Variants in ASTN1 observed in about 807,000 individuals in gnomAD.
The protein encoded by ASTN1 is astrotactin 1.
ASTN1 carries 41 observed loss-of-function variants against 140.7 expected under a neutral mutation model. The ratio of observed to expected loss-of-function variants is 0.29; its 90% confidence interval spans 0.23 to 0.38. ASTN1 has a LOEUF of 0.38. Among genes scored for constraint, ASTN1 ranks in the 10% least tolerant of loss-of-function variants. The pLI, the probability that ASTN1 is intolerant of heterozygous loss-of-function variation, is 1.00. For synonymous variants in ASTN1, 640 were observed against 652.2 expected, an observed-to-expected ratio of 0.98 and a Z score of 0.29; for missense variants, 1,479 against 1,678.8, an observed-to-expected ratio of 0.88 and a Z score of 2.08.
At chr1:177,049,454 G>C (rs927827968) in intron 2 of ASTN1, among the ~76,000 whole-genome samples, 3 of 152,178 alleles carry the variant, frequency 2.0e-5, no homozygotes, top group African/African-American at 7.2e-5. Context: ...AATACTAACA[G>C]AGGTTGCATA....
chr1:176,944,125 T>C, intron 13 of ASTN1, 107 bp from the exon 14 acceptor site: 1 of 1,413,250 alleles, frequency 7.1e-7, no homozygotes, highest in South Asian at 1.2e-5. Flanking sequence ...TTGCCCAGGC[T>C]GGAGTGCAAT....
intron 16 of ASTN1, among the ~76,000 whole-genome samples, chr1:176,925,405 G>A (rs1206851391): frequency 6.6e-6 from 1 of 152,174 alleles, no homozygotes; most frequent in Non-Finnish European, 1.5e-5. Context: ...GAGCTTGTCA[G>A]AAACGCAGAA....
At chr1:177,122,108 T>C (rs1411504724) in intron 1 of ASTN1, among the ~76,000 whole-genome samples, 2 of 152,174 alleles carry the variant, frequency 1.3e-5, no homozygotes, top group Non-Finnish European at 2.9e-5. Flanking sequence ...GGGACCCTAC[T>C]GTTACCTGCC....
At chr1:176,997,436 A>C (rs138504279) in intron 8 of ASTN1, among the ~76,000 whole-genome samples, 243 of 152,180 alleles carry the variant, frequency 1.6e-3, no homozygotes, top group Non-Finnish European at 2.5e-3. Context: ...AAAATGGATA[A>C]GACCCTAGAG....
At chr1:176,951,636 T>C (rs1397395279) in intron 11 of ASTN1, among the ~76,000 whole-genome samples, 1 of 152,192 alleles carries the variant, frequency 6.6e-6, no homozygotes, top group African/African-American at 2.4e-5. Flanking sequence ...ACAAAGACTT[T>C]GTTGAATGAA....
rs140493874 is a variant in ASTN1, at chr1:177,000,297, T to C, written c.1523+14494A>G. ...TAGCTTAGAATTCACTAATAGAAAA[T>C]ACAGGGGAAGAAACAGGCATGCCAT... On this transcript the variant is annotated intron_variant, in intron 8 of 22. Coordinates refer to ENST00000361833, the MANE Select transcript of ASTN1 (RefSeq NM_004319.3). Among the ~76,000 whole-genome samples, 385 of 152,106 alleles carry C rather than the reference T, an allele frequency of 2.5e-3. 2 individuals are homozygous for C. Among genetic ancestry groups the C allele is most frequent in the African/African-American group, 8.7e-3 (360 of 41,490 alleles).
At chr1:176,885,192 C>T (rs1668983420) in intron 18 of ASTN1, among the ~76,000 whole-genome samples, 2 of 152,186 alleles carry the variant, frequency 1.3e-5, no homozygotes, top group African/African-American at 2.4e-5. Flanking sequence ...TCTGTCTTTG[C>T]TCTTGGGTTT....
intron 8 of ASTN1, 78 bp downstream of exon 8, chr1:177,014,713 A>G (rs1410860884): frequency 3.7e-6 from 5 of 1,348,180 alleles, no homozygotes; most frequent in Non-Finnish European, 5.3e-6. Flanking sequence ...ATTCCTCTCC[A>G]TGCAGTTGCT....
At chr1:176,963,998 TC>T (rs1039901948) in intron 9 of ASTN1, among the ~76,000 whole-genome samples, 2 of 152,190 alleles carry the variant, frequency 1.3e-5, no homozygotes, top group African/African-American at 2.4e-5. Flanking sequence ...AGGAAGTGGT[TC>T]TGTGAATCTG....
At chr1:177,017,955 C>T (rs566656371) in intron 7 of ASTN1, among the ~76,000 whole-genome samples, 6 of 152,282 alleles carry the variant, frequency 3.9e-5, no homozygotes, top group Non-Finnish European at 8.8e-5. Flanking sequence ...TGGCTGGGCT[C>T]ACCATAAGTT....
chr1:176,915,771 G>A (rs543299807), intron 16 of ASTN1, among the ~76,000 whole-genome samples: 3 of 152,266 alleles, frequency 2.0e-5, no homozygotes, highest in South Asian at 2.1e-4. Context: ...GGGAGGGCAC[G>A]ATAAGGTCCC....
intron 1 of ASTN1, among the ~76,000 whole-genome samples, chr1:177,155,088 T>C (rs1422828748): frequency 6.6e-6 from 1 of 152,148 alleles, no homozygotes; most frequent in East Asian, 1.9e-4. Context: ...ATGCATGATA[T>C]TAAGGAAAAG....
chr1:176,974,706 T>A (rs1264242322), intron 8 of ASTN1, among the ~76,000 whole-genome samples: 2 of 152,214 alleles, frequency 1.3e-5, no homozygotes, highest in African/African-American at 4.8e-5. Context: ...TTTATAGATA[T>A]ATCAAATGAT....
chr1:176,945,087 G>T (rs1215894519), intron 13 of ASTN1, among the ~76,000 whole-genome samples: 1 of 151,818 alleles, frequency 6.6e-6, no homozygotes, highest in Non-Finnish European at 1.5e-5. Flanking sequence ...TTTTCCCATG[G>T]GTTCTAAGAA....
chr1:177,118,327 G>A (rs929249384), intron 1 of ASTN1, among the ~76,000 whole-genome samples: 14 of 152,154 alleles, frequency 9.2e-5, no homozygotes, highest in South Asian at 6.2e-4. Context: ...AATGACAGGT[G>A]TTATTTTTCA....
intron 1 of ASTN1, among the ~76,000 whole-genome samples, chr1:177,104,495 G>A (rs897577281): frequency 6.6e-6 from 1 of 152,170 alleles, no homozygotes; most frequent in Non-Finnish European, 1.5e-5. Context: ...TGTTTGTGCT[G>A]TGACGCAGGA....
At chr1:176,883,507 A>G (rs1471098585) in intron 19 of ASTN1, among the ~76,000 whole-genome samples, 1 of 152,130 alleles carries the variant, frequency 6.6e-6, no homozygotes, top group South Asian at 2.1e-4. Flanking sequence ...GCGCTCCTTT[A>G]TAAAATTTTC....
chr1:176,939,642 A>T (rs1030722796), intron 14 of ASTN1, among the ~76,000 whole-genome samples: 2 of 151,854 alleles, frequency 1.3e-5, no homozygotes, highest in Non-Finnish European at 2.9e-5. Context: ...AAAAATTTTT[A>T]TTATTTTGGG....
chr1:177,014,244 C>T (rs1317553750), intron 8 of ASTN1, among the ~76,000 whole-genome samples: 1 of 151,972 alleles, frequency 6.6e-6, no homozygotes, highest in East Asian at 1.9e-4. Flanking sequence ...CTACTTTGTC[C>T]CACTCGTGTG....
Sources: gnomAD v4.1 joint callset for allele counts (sites outside exome capture counted in the v4.1 genomes callset) on GRCh38, gnomAD v4.1.1 for gene constraint, MANE v1.5 for transcripts, NCBI Gene and HGNC (gene_info 2026-07-23, HGNC 2026-07-21) for gene names.